CEMIP2: variants seen among roughly 807,000 people sequenced by gnomAD.
CEMIP2 encodes the protein cell surface hyaluronidase CEMIP2.
CEMIP2 carries 79 observed loss-of-function variants against 146.9 expected under a neutral mutation model. The ratio of observed to expected loss-of-function variants is 0.54; its 90% CI spans 0.45 to 0.65. The LOEUF is 0.65. Ranked by LOEUF, CEMIP2 falls within the 30% of genes least tolerant of loss-of-function variation. The pLI, the probability that CEMIP2 is intolerant of heterozygous loss-of-function variation, is 0.00. For synonymous variants in CEMIP2, 601 were observed against 606.3 expected, an observed-to-expected ratio of 0.99 and a Z score of 0.13; for missense variants, 1,596 against 1,696.2, an observed-to-expected ratio of 0.94 and a Z score of 1.04.
At chr9:71,749,874 A>G in intron 2 of CEMIP2, 169 bp downstream of exon 2, 1 of 592,370 alleles carries the variant, frequency 1.7e-6, no homozygotes, top group South Asian at 2.3e-5. Context: ...ATCATTTCCA[A>G]CAGATTATTG....
At position 71,689,639 on chromosome 9, in the gene CEMIP2, G is replaced by A. The variant is rs76409173; in HGVS notation, c.3851+453C>T. 5.6e-3 allele frequency among the ~76,000 whole-genome samples: 859 copies of A among 152,274 alleles called. 3 individuals carry two copies. The highest frequency in any genetic ancestry group is 0.019 in the African/African-American group (785 of 41,544). ...TCATAGTGCAATGCTGTCCAAGACC[G>A]TCAGTGCGACAGAGGGTTGCAAAGG... On this transcript the variant is annotated intron_variant, in intron 22 of 23. Transcript: ENST00000377044.
At chr9:71,728,815 T>G (rs7851564) in intron 10 of CEMIP2, among the ~76,000 whole-genome samples, 10,591 of 148,292 alleles carry the variant, frequency 0.071, 533 homozygotes, top group South Asian at 0.2. Flanking sequence ...TGTGGGGTTT[T>G]TGTGTGTGTG....
chr9:71,684,843 A>G lies in CEMIP2; in HGVS notation c.*354T>C, dbSNP rs1240976313. 1.1e-5 allele frequency: 2 copies of G among 188,292 alleles called. No homozygotes were observed. Among genetic ancestry groups the G allele is most frequent in the African/African-American group, 4.7e-5 (2 of 42,882 alleles). The allele number at this position is 188,292 out of a possible 1,614,324, so 11.7% of individuals were successfully genotyped here. A position where few individuals can be genotyped will look rare whatever the true frequency, so the allele number is the denominator to read the frequency against. On this transcript the variant is annotated 3_prime_UTR_variant, in exon 24 of 24. Transcript: ENST00000377044. ...AAGGTGCTACAATAGCTGGTCCTCT[A>G]AAGACCTCAGGCTGACTCTCAGAAG... is the stretch of plus-strand genomic sequence containing the variant.
At chr9:71,726,824 G>A (rs966615369) in intron 10 of CEMIP2, among the ~76,000 whole-genome samples, 1 of 152,164 alleles carries the variant, frequency 6.6e-6, no homozygotes, top group African/African-American at 2.4e-5. Flanking sequence ...AAGTTGACGG[G>A]ATAAGACCTG....
At chr9:71,744,867 C>G in intron 4 of CEMIP2, 151 bp downstream of exon 4, 1 of 807,064 alleles carries the variant, frequency 1.2e-6, no homozygotes. Flanking sequence ...TATCCTCCAG[C>G]CCCATGTCTC....
chr9:71,712,350 C>A (rs756970486), intron 15 of CEMIP2, 90 bp from the exon 16 acceptor site: 19 of 1,315,004 alleles, frequency 1.4e-5, no homozygotes, highest in Non-Finnish European at 1.8e-5. Context: ...GCTAAATATC[C>A]GGTATGAACT....
intron 21 of CEMIP2, among the ~76,000 whole-genome samples, chr9:71,692,019 G>T (rs1172568186): frequency 6.6e-6 from 1 of 151,014 alleles, no homozygotes; most frequent in African/African-American, 2.4e-5. Context: ...TGAGGCTGGA[G>T]AATCTCTTGA....
rs1554684629 is a variant in CEMIP2, at chr9:71,728,237, A to ATACG, written c.2049+1607_2049+1608insCGTA. ...TCTCTCTCTCTCTCTCTCTCTATATATATATATATATATGTATATACACGT... is the reference window on the plus strand; with the variant it reads ...TCTCTCTCTCTCTCTCTCTCTATATATACGTATATATATATATGTATATACACGT... On this transcript the variant is annotated intron_variant, in intron 10 of 23. Coordinates refer to ENST00000377044, the MANE Select transcript of CEMIP2 (RefSeq NM_013390.3). Among the ~76,000 whole-genome samples the ATACG allele has an allele frequency of 6.7e-4, 24 of 35,954 alleles. 1 individual carries two copies. Among genetic ancestry groups the ATACG allele is most frequent in the Non-Finnish European group, 1.3e-3 (18 of 14,330 alleles). The allele number at this position is 35,954 out of a possible 152,430, so 23.6% of individuals were successfully genotyped here. A position where few individuals can be genotyped will look rare whatever the true frequency, so the allele number is the denominator to read the frequency against.
intron 12 of CEMIP2, among the ~76,000 whole-genome samples, chr9:71,719,234 C>A (rs1823158635): frequency 6.6e-6 from 1 of 152,204 alleles, no homozygotes; most frequent in Admixed American, 6.5e-5. Flanking sequence ...AATACCACAG[C>A]TGTTGGCACA....
Position 71,693,693 on chromosome 9 carries a change from A to G in CEMIP2, c.3696+816T>C, listed in dbSNP as rs537358752. Among the ~76,000 whole-genome samples, 21 of 152,352 alleles carry G rather than the reference A, an allele frequency of 1.4e-4. No individual in the cohort carries two copies. The South Asian group carries it at 4.3e-3, about 32-fold the overall frequency. On this transcript the variant is annotated intron_variant, in intron 21 of 23. Transcript: ENST00000377044. ...ACCTCTATTGTATTGCTTGCTACCA[A>G]CAATAGAAAATGTGATGACAAACCA...
intron 12 of CEMIP2, among the ~76,000 whole-genome samples, chr9:71,718,912 T>C (rs1823150035): frequency 6.6e-6 from 1 of 152,166 alleles, no homozygotes; most frequent in Admixed American, 6.5e-5. Context: ...TTATAAATAC[T>C]GAACTTCACC....
rs868035809 is a variant in CEMIP2, at chr9:71,715,237, C to T, written c.2436-148G>A. On this transcript the variant is annotated intron_variant, in intron 14 of 23. Transcript: ENST00000377044. ...CACATTCACAAGTCTTCAGAAACTGCTTTTTTTTTTTTTTTTTTTTTTTGA... is the reference window on the plus strand; with the variant it reads ...CACATTCACAAGTCTTCAGAAACTGTTTTTTTTTTTTTTTTTTTTTTTTGA... 3.6e-3 allele frequency: 841 copies of T among 232,702 alleles called. 12 individuals carry two copies. The highest frequency in any genetic ancestry group is 4.2e-3 in the Middle Eastern group (3 of 712). 14.4% of individuals were successfully genotyped at this position (232,702 alleles called of 1,614,324 possible).
chr9:71,764,704 C>T (rs1824735655), intron 1 of CEMIP2, among the ~76,000 whole-genome samples: 1 of 152,116 alleles, frequency 6.6e-6, no homozygotes, highest in Non-Finnish European at 1.5e-5. Flanking sequence ...GGATTTCTAT[C>T]AAAGGCAATT....
intron 12 of CEMIP2, among the ~76,000 whole-genome samples, chr9:71,719,670 G>A (rs547708034): frequency 7.1e-4 from 108 of 151,996 alleles, no homozygotes; most frequent in African/African-American, 2.5e-3. Flanking sequence ...TAGATTATAT[G>A]GCCCAAGTCC....
intron 4 of CEMIP2, among the ~76,000 whole-genome samples, chr9:71,743,413 G>A (rs1424825102): frequency 3.9e-5 from 6 of 151,968 alleles, no homozygotes; most frequent in African/African-American, 1.2e-4. Flanking sequence ...TTTTGCATGT[G>A]TATCATATTT....
intron 5 of CEMIP2, 135 bp downstream of exon 5, chr9:71,739,928 C>A: frequency 1.2e-6 from 1 of 816,788 alleles, no homozygotes; most frequent in Non-Finnish European, 1.8e-6. Flanking sequence ...AGTAGGAAAA[C>A]TAAGTTTCAA....
In CEMIP2 at chr9:71,685,025, A is replaced by AGGTGCATGAAGCT; in HGVS notation, c.*159_*171dup. The AGGTGCATGAAGCT allele has an allele frequency of 1.8e-6, 1 of 565,814 alleles. No homozygotes were observed. 35.0% of individuals were successfully genotyped at this position (565,814 alleles called of 1,614,324 possible). A position where few individuals can be genotyped will look rare whatever the true frequency, so the allele number is the denominator to read the frequency against. On this transcript the variant is annotated 3_prime_UTR_variant, in exon 24 of 24. Transcript: ENST00000377044. ...GTCTTTAACATTTTGTACAACTAGA[A>AGGTGCATGAAGCT]GGTGCATGAAGCTGGTATCCAAGCA...
chr9:71,696,473 T>TA (rs879499680), intron 20 of CEMIP2, among the ~76,000 whole-genome samples: 2,364 of 143,430 alleles, frequency 0.016, 40 homozygotes, highest in African/African-American at 0.048. Flanking sequence ...GAGTTGCCAT[T>TA]AAAAAAAAAA....
intron 16 of CEMIP2, among the ~76,000 whole-genome samples, chr9:71,710,472 T>G (rs1435156988): frequency 6.6e-6 from 1 of 152,200 alleles, no homozygotes; most frequent in Non-Finnish European, 1.5e-5. Context: ...GAGAAAAGCT[T>G]AGAGCATATT....
Sources: gnomAD v4.1 joint callset for allele counts (sites outside exome capture counted in the v4.1 genomes callset) on GRCh38, gnomAD v4.1.1 for gene constraint, MANE v1.5 for transcripts, NCBI Gene and HGNC (gene_info 2026-07-23, HGNC 2026-07-21) for gene names.